NPR3: variants seen among roughly 807,000 people sequenced by gnomAD.
NPR3 encodes natriuretic peptide receptor 3.
NPR3 carries 34 observed loss-of-function variants against 54.5 expected under a neutral mutation model. The ratio of observed to expected loss-of-function variants is 0.62; its 90% CI spans 0.47 to 0.83. NPR3 has a LOEUF of 0.83. NPR3 is among the 40% of genes least tolerant of loss of function. The pLI is 0.00. For missense variants in NPR3, 674 were observed against 720.8 expected (o/e 0.94, Z 0.74); for synonymous variants, 289 against 297.1 (o/e 0.97, Z 0.28).
At position 32,790,005 on chromosome 5, in the gene NPR3, C is replaced by T. The variant is rs1224722306; in HGVS notation, c.*3660C>T. Reference sequence around the variant, plus strand: ...GTAAATGTCAGCCCAAATTAGGCCCCTCGACCTACAGACATTTCATGGGTT... The same window carrying T: ...GTAAATGTCAGCCCAAATTAGGCCCTTCGACCTACAGACATTTCATGGGTT... On this transcript the variant is annotated 3_prime_UTR_variant, in exon 8 of 8. Coordinates refer to ENST00000265074, the MANE Select transcript of NPR3 (RefSeq NM_001204375.2). 3.8e-6 allele frequency: 1 copy of T among 261,192 alleles called. No homozygotes were observed. The highest frequency in any genetic ancestry group is 8.0e-6 in the Non-Finnish European group (1 of 124,306). The allele number at this position is 261,192 out of a possible 1,614,324, so 16.2% of individuals were successfully genotyped here.
At chr5:32,750,424 C>A (rs550134784) in intron 3 of NPR3, among the ~76,000 whole-genome samples, 3 of 151,592 alleles carry the variant, frequency 2.0e-5, no homozygotes, top group Non-Finnish European at 2.9e-5. Flanking sequence ...ACGGGAGCCA[C>A]CCCTCCCGGC....
intron 3 of NPR3, among the ~76,000 whole-genome samples, chr5:32,770,570 A>G (rs1487691893): frequency 1.3e-5 from 2 of 152,208 alleles, no homozygotes; most frequent in African/African-American, 4.8e-5. Context: ...TTGAAAGGCC[A>G]CTTTATTTGA....
chr5:32,742,575 T>A (rs920215101), intron 3 of NPR3, among the ~76,000 whole-genome samples: 1 of 152,126 alleles, frequency 6.6e-6, no homozygotes, highest in Non-Finnish European at 1.5e-5. Context: ...AAATTAAAAC[T>A]TTAAATGGCC....
intron 1 of NPR3, 130 bp downstream of exon 1, chr5:32,712,675 G>A: frequency 1.2e-6 from 1 of 834,022 alleles, no homozygotes; most frequent in South Asian, 1.9e-5. Flanking sequence ...GCGGGCACTC[G>A]TTCAGGTATG....
At chr5:32,750,878 A>G (rs1383928631) in intron 3 of NPR3, among the ~76,000 whole-genome samples, 1 of 152,210 alleles carries the variant, frequency 6.6e-6, no homozygotes, top group Non-Finnish European at 1.5e-5. Flanking sequence ...ACACACGAAT[A>G]ATAATGCATA....
Position 32,786,329 on chromosome 5 carries a change from AT to A in NPR3, c.1615del (p.Ser539GlnfsTer2). The part of the protein sequence containing the change: ...RELREDSIRS[H>X]FSVA ...TTACGGGAAGATTCCATCAGATCCC[AT>A]TTTTCAGTAGCTTAAAGGAAGCCCC... On this transcript the variant is annotated frameshift_variant, in exon 8 of 8. Coordinates refer to ENST00000265074, the MANE Select transcript of NPR3 (RefSeq NM_001204375.2). LOFTEE classifies it high-confidence loss of function. The A allele has an allele frequency of 7.9e-6, 12 of 1,516,254 alleles. No individual in the cohort carries two copies. The highest frequency in any genetic ancestry group is 2.3e-5 in the East Asian group (1 of 43,986). 93.9% of individuals were successfully genotyped at this position (1,516,254 alleles called of 1,614,324 possible). A position where few individuals can be genotyped will look rare whatever the true frequency, so the allele number is the denominator to read the frequency against.
chr5:32,764,671 C>G (rs963299524), intron 3 of NPR3, among the ~76,000 whole-genome samples: 1 of 150,998 alleles, frequency 6.6e-6, no homozygotes, highest in African/African-American at 2.4e-5. Context: ...GCCTGTAGTC[C>G]CAGCTACTTG....
chr5:32,777,564 C>T (rs1173745), intron 4 of NPR3, among the ~76,000 whole-genome samples: 4,012 of 152,244 alleles, frequency 0.026, 183 homozygotes, highest in African/African-American at 0.092. Flanking sequence ...ATTTGGGGCT[C>T]ATATTTTTTC....
chr5:32,749,105 G>C (rs1740445523), intron 3 of NPR3, among the ~76,000 whole-genome samples: 1 of 151,964 alleles, frequency 6.6e-6, no homozygotes, highest in Admixed American at 6.6e-5. Context: ...GCTTTCATCA[G>C]TTGTAGAATA....
At chr5:32,738,037 T>C (rs570261335) in intron 2 of NPR3, among the ~76,000 whole-genome samples, 6 of 152,178 alleles carry the variant, frequency 3.9e-5, no homozygotes, top group Admixed American at 2.6e-4. Context: ...GTTGCTAGCA[T>C]GAGAGAGACA....
At chr5:32,715,634 T>C (rs901451484) in intron 1 of NPR3, among the ~76,000 whole-genome samples, 1 of 152,206 alleles carries the variant, frequency 6.6e-6, no homozygotes, top group African/African-American at 2.4e-5. Context: ...TTAAAATAGA[T>C]TCACTTACAC....
chr5:32,715,753 C>A (rs1034080518), intron 1 of NPR3, among the ~76,000 whole-genome samples: 1 of 152,070 alleles, frequency 6.6e-6, no homozygotes, highest in Non-Finnish European at 1.5e-5. Flanking sequence ...GTTGTTTTGT[C>A]GATGCACTTT....
intron 3 of NPR3, among the ~76,000 whole-genome samples, chr5:32,753,624 CTTTTTTT>C (rs70961660): frequency 1.2e-4 from 12 of 102,788 alleles, no homozygotes; most frequent in African/African-American, 3.4e-4. Flanking sequence ...TCTCAGCATC[CTTTTTTT>C]TTTTTTTTTT....
chr5:32,709,832 A>T (rs183908561), upstream of NPR3: 1 of 47,920 alleles, frequency 2.1e-5, no homozygotes, highest in Admixed American at 1.9e-4. Flanking sequence ...AGAGCGCGTT[A>T]AAGGCCTCGG....
At chr5:32,727,417 AC>A (rs771526727) in intron 2 of NPR3, among the ~76,000 whole-genome samples, 17 of 152,372 alleles carry the variant, frequency 1.1e-4, no homozygotes, top group Middle Eastern at 3.4e-3. Context: ...AGCATGAGCT[AC>A]CATGCTGCCT....
upstream of NPR3, chr5:32,710,743 G>A (rs1738165655): frequency 6.5e-7 from 1 of 1,547,918 alleles, no homozygotes; most frequent in Non-Finnish European, 8.7e-7. Context: ...TGCTCGCCCC[G>A]CGTCGGTGCT....
intron 1 of NPR3, among the ~76,000 whole-genome samples, chr5:32,700,654 T>A (rs1740644263): frequency 6.6e-6 from 1 of 152,142 alleles, no homozygotes; most frequent in Non-Finnish European, 1.5e-5. Context: ...GTGTTTGGTT[T>A]TCTGTCCTTG....
At chr5:32,729,258 T>C (rs1201872240) in intron 2 of NPR3, among the ~76,000 whole-genome samples, 1 of 152,008 alleles carries the variant, frequency 6.6e-6, no homozygotes, top group African/African-American at 2.4e-5. Context: ...CTCGATCTCC[T>C]GACCTCGTGA....
At chr5:32,698,182 T>C (rs1221276033) in intron 1 of NPR3, among the ~76,000 whole-genome samples, 1 of 152,072 alleles carries the variant, frequency 6.6e-6, no homozygotes, top group Non-Finnish European at 1.5e-5. Context: ...TTTTGGTATG[T>C]TGTGTTCCAT....
Sources: allele counts gnomAD v4.1 joint callset (sites outside exome capture counted in the v4.1 genomes callset), GRCh38; gene constraint gnomAD v4.1.1; transcripts MANE v1.5; gene names NCBI Gene and HGNC (gene_info 2026-07-23, HGNC 2026-07-21).